KDM4C: variants seen among roughly 807,000 people sequenced by gnomAD.
The protein encoded by KDM4C is lysine demethylase 4C.
In KDM4C, 81 loss-of-function variants were observed where a neutral mutation model predicts 129.3. That is an observed-to-expected ratio of 0.63 (90% CI 0.52 to 0.75). The LOEUF is 0.75. KDM4C is among the 30% of genes least tolerant of loss of function. The pLI is 0.00. For synonymous variants in KDM4C, 573 were observed against 456.1 expected (o/e 1.26, Z -3.26); for missense variants, 1,457 against 1,304.0 (o/e 1.12, Z -1.81).
chr9:6,875,342 C>T (rs971416170), intron 5 of KDM4C, among the ~76,000 whole-genome samples: 1 of 152,014 alleles, frequency 6.6e-6, no homozygotes, highest in African/African-American at 2.4e-5. Flanking sequence ...AGGGTGGACA[C>T]CTGCATGTGA....
At chr9:7,078,732 T>A (rs555139838) in intron 17 of KDM4C, among the ~76,000 whole-genome samples, 4 of 152,224 alleles carry the variant, frequency 2.6e-5, no homozygotes, top group Non-Finnish European at 5.9e-5. Context: ...ACAAATATGC[T>A]GAAATATCTA....
Position 7,015,991 on chromosome 9 carries a change from T to A in KDM4C, c.2259+62T>A, listed in dbSNP as rs1030926493. On this transcript the variant is annotated intron_variant, in intron 15 of 21. Coordinates refer to ENST00000381309, the MANE Select transcript of KDM4C (RefSeq NM_015061.6). ...CCCACCCTACCCACTGTGGACACATTTAAGTCTAGGGAAAAGATAAGATTG... is the reference window on the plus strand; with the variant it reads ...CCCACCCTACCCACTGTGGACACATATAAGTCTAGGGAAAAGATAAGATTG... The A allele has an allele frequency of 3.3e-6, 4 of 1,198,032 alleles. No homozygotes were observed. In the African/African-American group the frequency reaches 4.5e-5, roughly 13 times the overall value. The allele number at this position is 1,198,032 out of a possible 1,614,324, so 74.2% of individuals were successfully genotyped here. A position where few individuals can be genotyped will look rare whatever the true frequency, so the allele number is the denominator to read the frequency against.
chr9:6,870,183 C>T (rs1842641001), intron 5 of KDM4C, among the ~76,000 whole-genome samples: 1 of 152,116 alleles, frequency 6.6e-6, no homozygotes, highest in Admixed American at 6.5e-5. Context: ...AAAAAAACAA[C>T]CACTTCAGGT....
At chr9:6,732,758 A>C (rs1817394244) in intron 1 of KDM4C, among the ~76,000 whole-genome samples, 2 of 152,126 alleles carry the variant, frequency 1.3e-5, no homozygotes, top group Non-Finnish European at 2.9e-5. Flanking sequence ...CACGCCTATA[A>C]CTGCAGCACT....
intron 5 of KDM4C, among the ~76,000 whole-genome samples, chr9:6,865,112 A>G (rs371184241): frequency 1.3e-5 from 2 of 150,326 alleles, no homozygotes; most frequent in Non-Finnish European, 1.5e-5. Context: ...GGGTTCAAGC[A>G]ATTCTCCTGC....
At chr9:6,781,450 A>G (rs1041641497) in intron 1 of KDM4C, among the ~76,000 whole-genome samples, 15 of 152,234 alleles carry the variant, frequency 9.9e-5, no homozygotes, top group Non-Finnish European at 1.8e-4. Context: ...ATTTGTTGCC[A>G]ACAGCACTGT....
intron 17 of KDM4C, among the ~76,000 whole-genome samples, chr9:7,094,056 C>T (rs1836123061): frequency 6.6e-6 from 1 of 152,226 alleles, no homozygotes; most frequent in African/African-American, 2.4e-5. Context: ...TTAAGGGCAG[C>T]TTCATGAGGA....
At chr9:6,775,926 T>C (rs554375138) in intron 1 of KDM4C, among the ~76,000 whole-genome samples, 21 of 152,334 alleles carry the variant, frequency 1.4e-4, no homozygotes, top group Admixed American at 1.4e-3. Flanking sequence ...AGATGCAACT[T>C]GAACTCTTCC....
At chr9:6,972,461 A>C (rs1832162281) in intron 8 of KDM4C, among the ~76,000 whole-genome samples, 1 of 152,172 alleles carries the variant, frequency 6.6e-6, no homozygotes, top group East Asian at 1.9e-4. Flanking sequence ...ATATTTGGTA[A>C]ACACAGATGA....
intron 8 of KDM4C, among the ~76,000 whole-genome samples, chr9:6,899,764 T>C (rs1172386007): frequency 6.6e-6 from 1 of 152,098 alleles, no homozygotes; most frequent in Non-Finnish European, 1.5e-5. Flanking sequence ...ATCAAACCAG[T>C]TGGTTAGTAT....
chr9:7,125,040 C>T (rs909880862), intron 18 of KDM4C, among the ~76,000 whole-genome samples: 1 of 152,172 alleles, frequency 6.6e-6, no homozygotes, highest in African/African-American at 2.4e-5. Context: ...TCTTCTACAT[C>T]TAAACCCCTC....
intron 17 of KDM4C, among the ~76,000 whole-genome samples, chr9:7,059,184 C>G (rs978972933): frequency 6.6e-6 from 1 of 152,194 alleles, no homozygotes; most frequent in African/African-American, 2.4e-5. Context: ...GGGTCTTGCT[C>G]TGTCACCCAG....
chr9:6,803,603 TA>T (rs984101074), intron 2 of KDM4C, among the ~76,000 whole-genome samples: 1 of 150,700 alleles, frequency 6.6e-6, no homozygotes, highest in Non-Finnish European at 1.5e-5. Context: ...TTAAAAAAAT[TA>T]AAAAAACTTC....
At chr9:6,858,680 T>C (rs7042451) in intron 5 of KDM4C, among the ~76,000 whole-genome samples, 4,236 of 151,862 alleles carry the variant, frequency 0.028, 194 homozygotes, top group African/African-American at 0.097. Flanking sequence ...GGCTGTAGCA[T>C]GAGAATCGCT....
intron 21 of KDM4C, chr9:7,170,650 T>A: frequency 1.0e-6 from 1 of 969,542 alleles, no homozygotes; most frequent in Non-Finnish European, 1.2e-6. Flanking sequence ...GTCTGTGAAA[T>A]GATAAATCCT....
intron 17 of KDM4C, among the ~76,000 whole-genome samples, chr9:7,083,488 A>G (rs573321995): frequency 5.3e-5 from 8 of 152,220 alleles, no homozygotes; most frequent in Non-Finnish European, 1.0e-4. Context: ...ATAGACTACT[A>G]CACATCTAGG....
intron 5 of KDM4C, among the ~76,000 whole-genome samples, chr9:6,865,755 A>T (rs1382996776): frequency 8.1e-5 from 8 of 98,900 alleles, no homozygotes; most frequent in East Asian, 5.4e-4. Flanking sequence ...TATTTTATTT[A>T]TTTTTTTTTT....
At chr9:6,939,053 A>C (rs1393960075) in intron 8 of KDM4C, among the ~76,000 whole-genome samples, 1 of 151,512 alleles carries the variant, frequency 6.6e-6, no homozygotes, top group Non-Finnish European at 1.5e-5. Flanking sequence ...TGAGCCACAG[A>C]TCTCCTGCTG....
chr9:6,841,537 C>G lies in KDM4C; in HGVS notation c.436-7970C>G, dbSNP rs571693164. On this transcript the variant is annotated intron_variant, in intron 4 of 21. Coordinates refer to ENST00000381309, the MANE Select transcript of KDM4C (RefSeq NM_015061.6). ...GTAATAATCGTGTGTATCAGTTTAT[C>G]AATTTTTCTGTAGCCAACTCTGCTT... Among the ~76,000 whole-genome samples, 11 of 152,286 alleles carry G rather than the reference C, an allele frequency of 7.2e-5. No homozygotes were observed. The East Asian group carries it at 1.5e-3, about 21-fold the overall frequency.
Sources: gnomAD v4.1 joint callset for allele counts (sites outside exome capture counted in the v4.1 genomes callset) on GRCh38, gnomAD v4.1.1 for gene constraint, MANE v1.5 for transcripts, NCBI Gene and HGNC (gene_info 2026-07-23, HGNC 2026-07-21) for gene names.